The following MOV10 variants were observed in gnomAD, a reference collection of about 807,000 sequenced individuals.
MOV10 encodes Mov10 RNA helicase, also known as RNA helicase MOV-10.
Under a neutral mutation model 108.4 loss-of-function variants are expected in MOV10, and 39 were observed. That is an observed-to-expected ratio of 0.36 (90% CI 0.28 to 0.47). The LOEUF is 0.47. Ranked by LOEUF, MOV10 falls within the 20% of genes least tolerant of loss-of-function variation. The pLI is 1.00. For synonymous variants in MOV10, 490 were observed against 523.1 expected, an observed-to-expected ratio of 0.94 and a Z score of 0.86; for missense variants, 952 against 1,297.6, an observed-to-expected ratio of 0.73 and a Z score of 4.09.
chr1:112,695,190 A>G (rs1673957802), intron 10 of MOV10, among the ~76,000 whole-genome samples: 1 of 152,112 alleles, frequency 6.6e-6, no homozygotes, highest in African/African-American at 2.4e-5. Flanking sequence ...ACTGCACTCC[A>G]TCCTGGGTGA....
chr1:112,689,394 C>T (rs745868632), intron 3 of MOV10, 21 bp from the exon 4 acceptor site: 8 of 1,499,046 alleles, frequency 5.3e-6, no homozygotes, highest in Non-Finnish European at 7.4e-6. Context: ...CCAACCCCCC[C>T]TTGACTCCCC....
intron 11 of MOV10, among the ~76,000 whole-genome samples, 161 bp downstream of exon 11, chr1:112,695,735 G>C (rs1035218679): frequency 2.0e-5 from 3 of 151,580 alleles, no homozygotes; most frequent in Admixed American, 6.6e-5. Context: ...CTGTAAGTGA[G>C]GGGGGTGGAT....
intron 7 of MOV10, chr1:112,693,687 T>A (rs2932531): frequency 0.68 from 94,219 of 137,740 alleles, 32,647 homozygotes; most frequent in South Asian, 0.83. Flanking sequence ...TTTTTTTTTT[T>A]AATTATTTTT....
chr1:112,697,770 G>A lies in MOV10; in HGVS notation c.2199-224G>A, dbSNP rs554099749. 3 of 554,236 alleles carry A rather than the reference G, an allele frequency of 5.4e-6. No individual in the cohort carries two copies. In the South Asian group the frequency reaches 6.5e-5, roughly 12 times the overall value. 34.3% of individuals were successfully genotyped at this position (554,236 alleles called of 1,614,324 possible). Reference sequence around the variant, plus strand: ...AATTATTTAGTTTTAAATGTCATGGGTCTGTGGAGTCCCTGGACTAGATGC... The same window carrying A: ...AATTATTTAGTTTTAAATGTCATGGATCTGTGGAGTCCCTGGACTAGATGC... On this transcript the variant is annotated intron_variant, in intron 14 of 20. Coordinates refer to ENST00000369645, the MANE Select transcript of MOV10 (RefSeq NM_001321324.2).
chr1:112,698,772 G>A lies in MOV10; in HGVS notation c.2566G>A (p.Asp856Asn), dbSNP rs1674348125. The A allele has an allele frequency of 6.2e-7, 1 of 1,613,984 alleles. No individual in the cohort carries two copies. Among genetic ancestry groups the A allele is most frequent in the Admixed American group, 1.7e-5 (1 of 60,002 alleles). The change falls in exon 17 of 21, where the codon GAC becomes AAC. Residue 856 changes from aspartate to asparagine, a missense_variant. Transcript: ENST00000369645. Reference sequence around the variant, plus strand: ...TGACAGGGAGCTTCGAGGACTGGATGACATCAAGGACTTGAAGGTGACATG... The same window carrying A: ...TGACAGGGAGCTTCGAGGACTGGATAACATCAAGGACTTGAAGGTGACATG... Reference protein sequence around the residue: ...KLDRELRGLDDIKDLKVGSVE... With the variant: ...KLDRELRGLDNIKDLKVGSVE...
intron 7 of MOV10, chr1:112,693,816 T>G: frequency 1.9e-6 from 1 of 515,090 alleles, no homozygotes; most frequent in Non-Finnish European, 3.5e-6. Flanking sequence ...CTGGGCAGCT[T>G]CGGAGGATTT....
chr1:112,688,512 C>G (rs1290856752), intron 2 of MOV10: 8 of 1,084,136 alleles, frequency 7.4e-6, no homozygotes, highest in Non-Finnish European at 9.0e-6. Context: ...CACATCCACC[C>G]CTCTGAATCA....
At position 112,680,726 on chromosome 1, in the gene MOV10, TA is replaced by T. The variant is rs35450442; in HGVS notation, c.137+5680del. ...TTATCTCTTTTTTTTTTTTTTTTTTTAAATCTCTCTCTGTCACTTAGGCTGG... is the reference window on the plus strand; with the variant it reads ...TTATCTCTTTTTTTTTTTTTTTTTTTAATCTCTCTCTGTCACTTAGGCTGG... On this transcript the variant is annotated intron_variant, in intron 2 of 20. Coordinates refer to ENST00000369645, the MANE Select transcript of MOV10 (RefSeq NM_001321324.2). Among the ~76,000 whole-genome samples, 135 of 144,026 alleles carry T rather than the reference TA, an allele frequency of 9.4e-4. 1 individual carries two copies. Among genetic ancestry groups the T allele is most frequent in the African/African-American group, 3.4e-3 (128 of 37,712 alleles). 94.5% of individuals were successfully genotyped at this position (144,026 alleles called of 152,430 possible).
At chr1:112,689,352 C>A in intron 3 of MOV10, 63 bp from the exon 4 acceptor site, 1 of 1,488,952 alleles carries the variant, frequency 6.7e-7, no homozygotes, top group Non-Finnish European at 9.3e-7. Flanking sequence ...AAGCTTTCCC[C>A]AGGGTAACTC....
At chr1:112,681,170 G>T (rs545776375) in intron 2 of MOV10, among the ~76,000 whole-genome samples, 1 of 151,798 alleles carries the variant, frequency 6.6e-6, no homozygotes, top group African/African-American at 2.4e-5. Flanking sequence ...AATCAGGGTG[G>T]TTTTTTTAGT....
rs756736545 is a variant in MOV10 at position 112,699,666 on chromosome 1, C to G, written c.2584-19C>G. ...TGACACCCCTGGCTGGTCTCAGGCCCTGCCTCTTTCCCCACTAGGTGGGTT... is the reference window on the plus strand; with the variant it reads ...TGACACCCCTGGCTGGTCTCAGGCCGTGCCTCTTTCCCCACTAGGTGGGTT... On this transcript the variant is annotated intron_variant, in intron 17 of 20. Coordinates refer to ENST00000369645, the MANE Select transcript of MOV10 (RefSeq NM_001321324.2). 1.3e-5 allele frequency: 21 copies of G among 1,614,144 alleles called. No individual in the cohort carries two copies. In the East Asian group the frequency reaches 3.6e-4, roughly 27 times the overall value.
At chr1:112,690,400 C>G (rs1192586192) in intron 5 of MOV10, among the ~76,000 whole-genome samples, 1 of 152,152 alleles carries the variant, frequency 6.6e-6, no homozygotes, top group Admixed American at 6.5e-5. Flanking sequence ...TGCTCTGTCG[C>G]CCAGGCTGGA....
At position 112,675,277 on chromosome 1, in the gene MOV10, G is replaced by A. The variant is rs1348388416; in HGVS notation, c.137+228G>A. On this transcript the variant is annotated intron_variant, in intron 2 of 20. Coordinates refer to ENST00000369645, the MANE Select transcript of MOV10 (RefSeq NM_001321324.2). The surrounding 1 kb of genome is among the most constrained non-coding windows in gnomAD (Gnocchi z 4.7). ...CCGAGCTGGGCCCCTGCGCCAAGTCGCCGCGGAGAGCCTCCCGCGCTGCCC... is the reference window on the plus strand; with the variant it reads ...CCGAGCTGGGCCCCTGCGCCAAGTCACCGCGGAGAGCCTCCCGCGCTGCCC... Among the ~76,000 whole-genome samples, 3 of 151,942 alleles carry A rather than the reference G, an allele frequency of 2.0e-5. No individual in the cohort carries two copies. Among genetic ancestry groups the A allele is most frequent in the Non-Finnish European group, 4.4e-5 (3 of 67,964 alleles).
At chr1:112,691,926 C>G (rs1673627820) in intron 6 of MOV10, 127 bp downstream of exon 6, 1 of 1,009,714 alleles carries the variant, frequency 9.9e-7, no homozygotes, top group Admixed American at 2.5e-5. Flanking sequence ...GAGCACGCAC[C>G]ATACACCAAG....
At chr1:112,698,928 G>A (rs1674366787) in intron 17 of MOV10, 139 bp downstream of exon 17, 1 of 743,868 alleles carries the variant, frequency 1.3e-6, no homozygotes, top group Non-Finnish European at 2.4e-6. Context: ...AGCTCTCCCT[G>A]AGCCTCTCAC....
chr1:112,699,848 T>C (rs2101442161), intron 18 of MOV10, 38 bp downstream of exon 18: 1 of 1,614,010 alleles, frequency 6.2e-7, no homozygotes, highest in Non-Finnish European at 8.5e-7. Context: ...ATTCTTCCAT[T>C]CTCGGGGCTC....
intron 7 of MOV10, chr1:112,693,747 A>G (rs540689017): frequency 4.3e-5 from 12 of 276,274 alleles, no homozygotes; most frequent in Non-Finnish European, 8.3e-5. Context: ...CAGAGCAGGA[A>G]CTGAGCTGGC....
At position 112,698,733 on chromosome 1, in the gene MOV10, T is replaced by A; in HGVS notation, c.2527T>A (p.Cys843Ser). The A allele has an allele frequency of 6.2e-7, 1 of 1,614,170 alleles. No individual in the cohort carries two copies. The highest frequency in any genetic ancestry group is 8.5e-7 in the Non-Finnish European group (1 of 1,179,994). ...YRKQVEKIRY[C>S]ITKLDRELRG... is the part of the protein sequence containing the mutation. ...CTTCCAGGTGGAGAAAATCCGTTAC[T>A]GCATCACCAAACTTGACAGGGAGCT... is the stretch of plus-strand genomic sequence containing the variant. The change falls in exon 17 of 21, where the codon TGC becomes AGC. Residue 843 changes from cysteine (C) to serine (S), a missense_variant. By Grantham distance (112) the Cys-to-Ser change is moderately radical (BLOSUM62 -1). Coordinates refer to ENST00000369645, the MANE Select transcript of MOV10 (RefSeq NM_001321324.2).
At chr1:112,693,912 A>C (rs1110042) in intron 7 of MOV10, 106 bp from the exon 8 acceptor site, 1 of 938,442 alleles carries the variant, frequency 1.1e-6, no homozygotes, top group Non-Finnish European at 1.6e-6. Context: ...CTTAGGTTAG[A>C]AGGCCAGTCT....
Sources: gnomAD v4.1 joint callset for allele counts (sites outside exome capture counted in the v4.1 genomes callset) on GRCh38, gnomAD v4.1.1 for gene constraint, Gnocchi (gnomAD v3.1) non-coding constraint, MANE v1.5 for transcripts, NCBI Gene and HGNC (gene_info 2026-07-23, HGNC 2026-07-21) for gene names.